The following NXPH1 variants were observed in gnomAD, a reference collection of about 807,000 sequenced individuals.
The protein encoded by NXPH1 is neurexophilin 1.
A neutral mutation model predicts 23.7 loss-of-function variants in NXPH1; 5 were observed. That is an observed-to-expected ratio of 0.21 (90% confidence interval 0.11 to 0.44). The LOEUF (loss-of-function observed/expected upper bound fraction) is 0.44, where lower values mean the gene tolerates loss of function less well. Among genes scored for constraint, NXPH1 ranks in the 20% least tolerant of loss-of-function variants. NXPH1 has a pLI of 0.99. For missense variants in NXPH1, 324 were observed against 321.6 expected (o/e 1.01, Z -0.06); for synonymous variants, 144 against 122.2 (o/e 1.18, Z -1.18).
In NXPH1 at chr7:8,751,705, T is replaced by C; in HGVS notation, c.752T>C (p.Leu251Pro). 1 of 1,612,872 alleles carries C rather than the reference T, an allele frequency of 6.2e-7. No individual in the cohort carries two copies. Among genetic ancestry groups the C allele is most frequent in the Non-Finnish European group, 8.5e-7 (1 of 1,179,420 alleles). ...TCCTTTTATAGTACAGATTATAAAC[T>C]GGTACAGAAAGTGTGCCCTGACTAC... ...YISFYSTDYK[L>P]VQKVCPDYNY... The change falls in exon 3 of 3, where the codon CTG (leucine) becomes CCG (proline). Residue 251 changes from leucine to proline, a missense_variant. Leu to Pro is a moderately conservative substitution (Grantham distance 98). Transcript: ENST00000405863. The surrounding 1 kb of genome is among the most constrained non-coding windows in gnomAD (Gnocchi z 4.5).
intron 2 of NXPH1, among the ~76,000 whole-genome samples, chr7:8,676,642 A>T (rs1472123797): frequency 6.6e-6 from 1 of 152,182 alleles, no homozygotes. Flanking sequence ...AGATGTGCTT[A>T]TTTATCAGTA....
At chr7:8,637,429 T>G (rs1820234338) in intron 2 of NXPH1, among the ~76,000 whole-genome samples, 1 of 152,116 alleles carries the variant, frequency 6.6e-6, no homozygotes, top group South Asian at 2.1e-4. Context: ...TTCAGTATGT[T>G]GCCCAGGCTG....
intron 2 of NXPH1, among the ~76,000 whole-genome samples, chr7:8,482,019 C>T (rs1817081749): frequency 6.6e-6 from 1 of 152,138 alleles, no homozygotes; most frequent in African/African-American, 2.4e-5. Flanking sequence ...TATGGAGCTT[C>T]CTCTAAGACT....
At chr7:8,473,050 G>C (rs1039341565) in intron 2 of NXPH1, among the ~76,000 whole-genome samples, 1 of 151,856 alleles carries the variant, frequency 6.6e-6, no homozygotes, top group African/African-American at 2.4e-5. Flanking sequence ...TCTAAAAACA[G>C]ACCAAGATCT....
At chr7:8,641,828 A>T (rs1643043348) in intron 2 of NXPH1, among the ~76,000 whole-genome samples, 1 of 152,002 alleles carries the variant, frequency 6.6e-6, no homozygotes, top group South Asian at 2.1e-4. Flanking sequence ...TCCTTATTTG[A>T]GTTAATAATT....
chr7:8,466,361 C>T (rs988083841), intron 2 of NXPH1, among the ~76,000 whole-genome samples: 4 of 152,108 alleles, frequency 2.6e-5, no homozygotes, highest in Non-Finnish European at 4.4e-5. Context: ...GGTATGGGAA[C>T]GATGAGCTCT....
chr7:8,559,467 A>C (rs1224655454), intron 2 of NXPH1, among the ~76,000 whole-genome samples: 1 of 151,702 alleles, frequency 6.6e-6, no homozygotes, highest in Non-Finnish European at 1.5e-5. Flanking sequence ...GGATGCCCAA[A>C]TTTAATAAAA....
intron 2 of NXPH1, among the ~76,000 whole-genome samples, chr7:8,681,717 AGTTTAT>A (rs545947254): frequency 1.3e-5 from 2 of 152,342 alleles, no homozygotes; most frequent in East Asian, 3.8e-4. Context: ...TGCATTACAA[AGTTTAT>A]GTTTATTAGT....
chr7:8,691,957 G>C (rs1208222643), intron 2 of NXPH1, among the ~76,000 whole-genome samples: 1 of 152,048 alleles, frequency 6.6e-6, no homozygotes, highest in Non-Finnish European at 1.5e-5. Context: ...GCTAATGTCT[G>C]AGTGACAAGG....
intron 2 of NXPH1, among the ~76,000 whole-genome samples, chr7:8,677,049 G>T (rs1820963724): frequency 1.3e-5 from 2 of 152,196 alleles, no homozygotes; most frequent in Non-Finnish European, 2.9e-5. Context: ...CATGGTACAG[G>T]TTGAATGTAG....
At chr7:8,669,800 T>TGG (rs1583223187) in intron 2 of NXPH1, among the ~76,000 whole-genome samples, 1 of 152,214 alleles carries the variant, frequency 6.6e-6, no homozygotes, top group East Asian at 1.9e-4. Flanking sequence ...AATGTACAAC[T>TGG]GTCCTTCCTA....
intron 2 of NXPH1, among the ~76,000 whole-genome samples, chr7:8,711,585 A>C (rs1264675738): frequency 3.3e-5 from 5 of 152,192 alleles, no homozygotes; most frequent in Admixed American, 3.3e-4. Flanking sequence ...GGAAGGAGTG[A>C]GGCTGCTCTG....
At chr7:8,563,280 A>T (rs1308122240) in intron 2 of NXPH1, among the ~76,000 whole-genome samples, 1 of 151,872 alleles carries the variant, frequency 6.6e-6, no homozygotes, top group African/African-American at 2.4e-5. Flanking sequence ...TGTGTATTTT[A>T]AAAAAGAAGA....
At chr7:8,562,892 C>G (rs1818472343) in intron 2 of NXPH1, among the ~76,000 whole-genome samples, 1 of 150,764 alleles carries the variant, frequency 6.6e-6, no homozygotes, top group Non-Finnish European at 1.5e-5. Flanking sequence ...TCTGAATTTC[C>G]TAATTTAAAA....
chr7:8,524,073 T>A (rs1231866423), intron 2 of NXPH1, among the ~76,000 whole-genome samples: 2 of 151,824 alleles, frequency 1.3e-5, no homozygotes, highest in Non-Finnish European at 1.5e-5. Flanking sequence ...TGAAACCCCT[T>A]CTCTACTAAA....
intron 2 of NXPH1, among the ~76,000 whole-genome samples, chr7:8,583,702 G>T (rs1311294353): frequency 6.6e-6 from 1 of 152,158 alleles, no homozygotes; most frequent in Non-Finnish European, 1.5e-5. Context: ...AGAGCAACAA[G>T]TGCAGCAACA....
At chr7:8,567,396 C>A (rs1012358736) in intron 2 of NXPH1, among the ~76,000 whole-genome samples, 6 of 151,872 alleles carry the variant, frequency 4.0e-5, no homozygotes, top group Admixed American at 3.9e-4. Flanking sequence ...CATTACATTT[C>A]TTTGTGGAAA....
intron 2 of NXPH1, among the ~76,000 whole-genome samples, chr7:8,541,288 A>G (rs1457675157): frequency 6.6e-6 from 1 of 151,748 alleles, no homozygotes; most frequent in Non-Finnish European, 1.5e-5. Flanking sequence ...GAGATTATCC[A>G]AAATGAAACA....
chr7:8,497,024 A>T (rs1384361000), intron 2 of NXPH1, among the ~76,000 whole-genome samples: 1 of 151,856 alleles, frequency 6.6e-6, no homozygotes, highest in Non-Finnish European at 1.5e-5. Context: ...CCCTTACCCC[A>T]TGACAGGCCC....
Sources: allele counts gnomAD v4.1 joint callset (sites outside exome capture counted in the v4.1 genomes callset), GRCh38; gene constraint gnomAD v4.1.1; non-coding constraint Gnocchi (gnomAD v3.1); transcripts MANE v1.5; gene names NCBI Gene and HGNC (gene_info 2026-07-23, HGNC 2026-07-21).